The following NR1H4 variants were observed in gnomAD, a reference collection of about 807,000 sequenced individuals.
NR1H4 encodes the protein nuclear receptor subfamily 1 group H member 4.
A neutral mutation model predicts 58.5 loss-of-function variants in NR1H4; 23 were observed. The observed-to-expected ratio is 0.39, with a 90% CI of 0.28 to 0.56. The LOEUF (loss-of-function observed/expected upper bound fraction) is 0.56. Among genes scored for constraint, NR1H4 ranks in the 20% least tolerant of loss-of-function variants. The pLI is 0.58. For missense variants in NR1H4, 487 were observed against 576.9 expected (o/e 0.84, Z 1.60); for synonymous variants, 214 against 198.0 (o/e 1.08, Z -0.68).
At chr12:100,545,843 G>A (rs1955057538) in intron 9 of NR1H4, among the ~76,000 whole-genome samples, 1 of 151,834 alleles carries the variant, frequency 6.6e-6, no homozygotes, top group Admixed American at 6.6e-5. Context: ...TTAATTGGGG[G>A]AAATGCCTCT....
At chr12:100,489,429 A>G (rs1251218412) in intron 1 of NR1H4, among the ~76,000 whole-genome samples, 1 of 152,238 alleles carries the variant, frequency 6.6e-6, no homozygotes, top group East Asian at 1.9e-4. Context: ...GAAAAGAGCC[A>G]TAGATATTCC....
Position 100,484,260 on chromosome 12 carries a change from C to T in NR1H4, c.-189-8243C>T, listed in dbSNP as rs1049949712. Among the ~76,000 whole-genome samples the T allele has an allele frequency of 4.6e-5, 7 of 152,244 alleles. No homozygotes were observed. The East Asian group carries it at 5.8e-4, about 13-fold the overall frequency. ...CTTCATCCTCCAAGCACTAAGATTC[C>T]TCTAAATCAGAGTCAAAGTTATTTA... On this transcript the variant is annotated intron_variant, in intron 1 of 10. Coordinates refer to ENST00000392986, the MANE Select transcript of NR1H4 (RefSeq NM_001206979.2).
At chr12:100,551,051 A>G (rs1441987407) in intron 9 of NR1H4, among the ~76,000 whole-genome samples, 3 of 152,316 alleles carry the variant, frequency 2.0e-5, no homozygotes, top group Admixed American at 1.3e-4. Flanking sequence ...TCTAACTCAG[A>G]GCCCAGCACT....
chr12:100,540,810 G>T lies in NR1H4; in HGVS notation c.1070G>T (p.Arg357Leu). ...GHSDLLEERI[R>L]NSGISDEYIT... The stretch of plus-strand genomic sequence containing the variant: ...TCTGACCTATTGGAAGAAAGAATTC[G>T]AAATAGTGGTAAGTGATTTGGCTAA... The change falls in exon 9 of 11, where the codon CGA becomes CTA. Residue 357 changes from arginine to leucine, a missense_variant. Coordinates refer to ENST00000392986, the MANE Select transcript of NR1H4 (RefSeq NM_001206979.2). 1 of 1,614,096 alleles carries T rather than the reference G, an allele frequency of 6.2e-7. No homozygotes were observed. The highest frequency in any genetic ancestry group is 1.3e-5 in the African/African-American group (1 of 75,066).
chr12:100,551,990 G>T (rs553202099), intron 9 of NR1H4, among the ~76,000 whole-genome samples: 1 of 152,172 alleles, frequency 6.6e-6, no homozygotes, highest in Non-Finnish European at 1.5e-5. Context: ...GTTCATTACA[G>T]TTGCAATACT....
chr12:100,512,598 G>A (rs981586347), intron 4 of NR1H4, among the ~76,000 whole-genome samples: 8 of 150,984 alleles, frequency 5.3e-5, no homozygotes, highest in Non-Finnish European at 8.8e-5. Context: ...CCGAGATCAC[G>A]CCACTGCACT....
intron 9 of NR1H4, among the ~76,000 whole-genome samples, chr12:100,547,646 T>C (rs1344124361): frequency 6.6e-6 from 1 of 152,156 alleles, no homozygotes; most frequent in East Asian, 1.9e-4. Flanking sequence ...CACATATTGC[T>C]GGAGCCTCTC....
At chr12:100,488,131 G>T (rs1953533591) in intron 1 of NR1H4, among the ~76,000 whole-genome samples, 1 of 152,202 alleles carries the variant, frequency 6.6e-6, no homozygotes, top group African/African-American at 2.4e-5. Context: ...CTCTCGAGTA[G>T]CTGGGATTAC....
chr12:100,511,072 A>T lies in NR1H4; in HGVS notation c.374A>T (p.Glu125Val). 1 of 1,614,258 alleles carries T rather than the reference A, an allele frequency of 6.2e-7. No homozygotes were observed. The highest frequency in any genetic ancestry group is 1.1e-5 in the South Asian group (1 of 91,086). ...TCAGCAGGGAGGATCAAAGGGGATG[A>T]GCTGTGTGTTGTTTGTGGAGACAGA... is the stretch of plus-strand genomic sequence containing the variant. Reference protein sequence around the residue: ...GASAGRIKGDELCVVCGDRAS... With the variant: ...GASAGRIKGDVLCVVCGDRAS... The change falls in exon 4 of 11, where the codon GAG (glutamate) becomes GTG (valine). Residue 125 changes from glutamate to valine, a missense_variant. Transcript: ENST00000392986.
intron 9 of NR1H4, among the ~76,000 whole-genome samples, chr12:100,548,100 G>A (rs1955119653): frequency 6.7e-6 from 1 of 149,528 alleles, no homozygotes; most frequent in African/African-American, 2.5e-5. Context: ...GAGTGCGGTG[G>A]CTCACACCTG....
At chr12:100,489,005 TC>T (rs1160076395) in intron 1 of NR1H4, among the ~76,000 whole-genome samples, 1 of 152,132 alleles carries the variant, frequency 6.6e-6, no homozygotes, top group African/African-American at 2.4e-5. Context: ...AGAGCTAAAG[TC>T]AAGGGTCTCC....
chr12:100,479,008 C>T (rs1953326613), intron 1 of NR1H4, among the ~76,000 whole-genome samples: 1 of 152,116 alleles, frequency 6.6e-6, no homozygotes, highest in African/African-American at 2.4e-5. Flanking sequence ...TCTGTGTTTA[C>T]TGGCCACTTG....
intron 1 of NR1H4, among the ~76,000 whole-genome samples, chr12:100,475,544 T>A (rs1031448342): frequency 6.6e-6 from 1 of 152,164 alleles, no homozygotes; most frequent in Non-Finnish European, 1.5e-5. Context: ...TCTTCAAGAT[T>A]GGGCCAATTG....
At chr12:100,515,587 G>A (rs1209873141) in intron 4 of NR1H4, among the ~76,000 whole-genome samples, 1 of 152,046 alleles carries the variant, frequency 6.6e-6, no homozygotes, top group Non-Finnish European at 1.5e-5. Context: ...TCCAGAGAAT[G>A]CTATTATTAG....
chr12:100,473,976 A>G lies in NR1H4; in HGVS notation c.-273A>G, dbSNP rs977116049. On this transcript the variant is annotated 5_prime_UTR_variant, in exon 1 of 11. Coordinates refer to ENST00000392986, the MANE Select transcript of NR1H4 (RefSeq NM_001206979.2). ...AATTGGATTCTGAGCATTTGTAGCA[A>G]AATCGCTGGGATCTGGAGAGGAAGA... is the stretch of plus-strand genomic sequence containing the variant. 3 of 152,194 alleles carry G rather than the reference A, an allele frequency of 2.0e-5. No individual in the cohort carries two copies. The highest frequency in any genetic ancestry group is 4.4e-5 in the Non-Finnish European group (3 of 68,058). The allele number at this position is 152,194 out of a possible 1,614,324, so 9.4% of individuals were successfully genotyped here. A position where few individuals can be genotyped will look rare whatever the true frequency, so the allele number is the denominator to read the frequency against.
intron 9 of NR1H4, among the ~76,000 whole-genome samples, chr12:100,561,260 C>T (rs747712399): frequency 6.6e-6 from 1 of 152,024 alleles, no homozygotes; most frequent in Non-Finnish European, 1.5e-5. Context: ...TAGCCGGGCG[C>T]GGTGGCGGGA....
intron 9 of NR1H4, among the ~76,000 whole-genome samples, chr12:100,543,867 G>T (rs1954996160): frequency 1.3e-5 from 2 of 152,078 alleles, no homozygotes; most frequent in South Asian, 4.1e-4. Flanking sequence ...TCTTTATGCA[G>T]AAAACTACAA....
At chr12:100,557,284 G>A (rs758765544) in intron 9 of NR1H4, among the ~76,000 whole-genome samples, 1 of 152,128 alleles carries the variant, frequency 6.6e-6, no homozygotes, top group Non-Finnish European at 1.5e-5. Context: ...GAGACAGGGA[G>A]AAAGAGAGAT....
At position 100,561,874 on chromosome 12, in the gene NR1H4, T is replaced by C; in HGVS notation, c.1079-11T>C. ...CAAAAATTGTATTATGATTGCAACT[T>C]TCCCCCACAGGTATCTCTGATGAAT... is the stretch of plus-strand genomic sequence containing the variant. On this transcript the variant is annotated splice_polypyrimidine_tract_variant and intron_variant, in intron 9 of 10. Coordinates refer to ENST00000392986, the MANE Select transcript of NR1H4 (RefSeq NM_001206979.2). 9.4e-7 allele frequency: 1 copy of C among 1,068,584 alleles called. No homozygotes were observed. Among genetic ancestry groups the C allele is most frequent in the African/African-American group, 1.6e-5 (1 of 64,408 alleles). The allele number at this position is 1,068,584 out of a possible 1,614,324, so 66.2% of individuals were successfully genotyped here.
Sources: allele counts gnomAD v4.1 joint callset (sites outside exome capture counted in the v4.1 genomes callset), GRCh38; gene constraint gnomAD v4.1.1; transcripts MANE v1.5; gene names NCBI Gene and HGNC (gene_info 2026-07-23, HGNC 2026-07-21).